The following CACNG4 variants were observed in gnomAD, a reference collection of about 807,000 sequenced individuals.
CACNG4 encodes the protein voltage-dependent calcium channel gamma-4 subunit.
In CACNG4, 8 loss-of-function variants were observed where a neutral mutation model predicts 22.9. The observed-to-expected ratio is 0.35, with a 90% CI of 0.21 to 0.63. The LOEUF is 0.63. Among genes scored for constraint, CACNG4 ranks in the 30% least tolerant of loss-of-function variants. CACNG4 has a pLI of 0.72. For missense variants in CACNG4, 357 were observed against 455.4 expected, an observed-to-expected ratio of 0.78 and a Z score of 1.97; for synonymous variants, 188 against 191.9, an observed-to-expected ratio of 0.98 and a Z score of 0.17.
chr17:66,985,117 A>G (rs1030481663), intron 1 of CACNG4, among the ~76,000 whole-genome samples: 7 of 152,010 alleles, frequency 4.6e-5, no homozygotes, highest in Non-Finnish European at 7.4e-5. Flanking sequence ...ACTGCCTGGT[A>G]CCCTGCTCTG....
At chr17:66,974,537 G>T (rs1445777555) in intron 1 of CACNG4, among the ~76,000 whole-genome samples, 1 of 152,146 alleles carries the variant, frequency 6.6e-6, no homozygotes, top group Non-Finnish European at 1.5e-5. Flanking sequence ...TCTGGAAAGT[G>T]GGATAATGAG....
At chr17:67,003,009 G>T (rs142775637) in intron 1 of CACNG4, among the ~76,000 whole-genome samples, 26 of 152,184 alleles carry the variant, frequency 1.7e-4, no homozygotes, top group Non-Finnish European at 3.5e-4. Context: ...ACAGTATTAT[G>T]GGTATATGTG....
intron 1 of CACNG4, among the ~76,000 whole-genome samples, chr17:67,016,645 G>A (rs2035499966): frequency 6.6e-6 from 1 of 152,196 alleles, no homozygotes; most frequent in Non-Finnish European, 1.5e-5. Flanking sequence ...ATTGGCCCCA[G>A]GTGGAAACTG....
Position 66,982,399 on chromosome 17 carries a change from GTT to G in CACNG4, c.220+17272_220+17273del, listed in dbSNP as rs59297584. Among the ~76,000 whole-genome samples, 1,009 of 152,154 alleles carry G rather than the reference GTT, an allele frequency of 6.6e-3. 7 individuals carry two copies. The highest frequency in any genetic ancestry group is 0.023 in the African/African-American group (956 of 41,452). ...CTAGCCACAGAGTGCTGATTGGTGT[GTT>G]TTTACAGAGTACCAATTGGCGCATT... is the stretch of plus-strand genomic sequence containing the variant. On this transcript the variant is annotated intron_variant, in intron 1 of 3. Coordinates refer to ENST00000262138, the MANE Select transcript of CACNG4 (RefSeq NM_014405.4).
intron 1 of CACNG4, among the ~76,000 whole-genome samples, chr17:66,999,773 A>C (rs2035397105): frequency 1.3e-5 from 2 of 152,210 alleles, no homozygotes; most frequent in African/African-American, 4.8e-5. Flanking sequence ...ACAATCCGAG[A>C]TGAGATTTGG....
chr17:66,993,350 C>G (rs1318212010), intron 1 of CACNG4, among the ~76,000 whole-genome samples: 2 of 152,254 alleles, frequency 1.3e-5, no homozygotes, highest in Non-Finnish European at 2.9e-5. Flanking sequence ...TGTGTCATCA[C>G]TGGTGCTGGA....
intron 1 of CACNG4, among the ~76,000 whole-genome samples, chr17:66,983,505 C>G (rs905618949): frequency 6.6e-6 from 1 of 152,154 alleles, no homozygotes; most frequent in African/African-American, 2.4e-5. Context: ...TTGCCAGATG[C>G]TGGCTGTGGG....
intron 1 of CACNG4, among the ~76,000 whole-genome samples, chr17:66,999,075 A>G (rs1321293198): frequency 6.6e-6 from 1 of 152,194 alleles, no homozygotes; most frequent in Non-Finnish European, 1.5e-5. Context: ...CCAGCCCTGC[A>G]CTAGATGGGC....
At chr17:66,983,413 G>A (rs1036980156) in intron 1 of CACNG4, among the ~76,000 whole-genome samples, 2 of 152,194 alleles carry the variant, frequency 1.3e-5, no homozygotes, top group Non-Finnish European at 2.9e-5. Flanking sequence ...GGAATCTGGG[G>A]CCACAGTGAA....
chr17:66,993,432 G>A (rs1420587505), intron 1 of CACNG4, among the ~76,000 whole-genome samples: 2 of 152,152 alleles, frequency 1.3e-5, no homozygotes, highest in African/African-American at 4.8e-5. Context: ...TCTTCCCAGA[G>A]GAGAGTTCAT....
rs9895120 is a variant in CACNG4 at position 67,006,690 on chromosome 17, C to T, written c.221-11499C>T. ...GCTCTCTTGTTCTAGTTACTGTGTT[C>T]GCTCACCTCCCCAGCTAGGTCATAA... On this transcript the variant is annotated intron_variant, in intron 1 of 3. Transcript: ENST00000262138. 8.5e-3 allele frequency among the ~76,000 whole-genome samples: 1,291 copies of T among 152,212 alleles called. 15 individuals are homozygous for T. The highest frequency in any genetic ancestry group is 0.029 in the African/African-American group (1,223 of 41,510).
intron 1 of CACNG4, among the ~76,000 whole-genome samples, chr17:67,002,614 CTCTT>C (rs1263054215): frequency 1.1e-4 from 15 of 138,780 alleles, no homozygotes; most frequent in Admixed American, 9.6e-4. Context: ...TCTCATCTCT[CTCTT>C]TCTCTCTCTC....
chr17:67,022,112 G>T (rs1284138274), intron 2 of CACNG4, among the ~76,000 whole-genome samples: 1 of 147,376 alleles, frequency 6.8e-6, no homozygotes, highest in Non-Finnish European at 1.5e-5. Flanking sequence ...GTCTCGCTCT[G>T]CTGCCTAGGC....
chr17:67,023,671 G>A (rs375414657), intron 2 of CACNG4, among the ~76,000 whole-genome samples: 16 of 150,808 alleles, frequency 1.1e-4, no homozygotes, highest in African/African-American at 3.2e-4. Flanking sequence ...TCTGGGGTTC[G>A]AGAGATTCTC....
At position 67,022,106 on chromosome 17, in the gene CACNG4, C is replaced by T. The variant is rs187841356; in HGVS notation, c.305-2754C>T. On this transcript the variant is annotated intron_variant, in intron 2 of 3. Transcript: ENST00000262138. ...TTTTTTTTTTTTTAAGACGGAGTCT[C>T]GCTCTGCTGCCTAGGCTGGAGTGCA... is the stretch of plus-strand genomic sequence containing the variant. Among the ~76,000 whole-genome samples, 788 of 148,542 alleles carry T rather than the reference C, an allele frequency of 5.3e-3. 3 individuals are homozygous for T. The highest frequency in any genetic ancestry group is 9.5e-3 in the Non-Finnish European group (640 of 67,620).
intron 1 of CACNG4, among the ~76,000 whole-genome samples, chr17:66,967,201 C>A (rs1041703276): frequency 5.9e-5 from 9 of 152,346 alleles, no homozygotes; most frequent in Middle Eastern, 3.4e-3. Context: ...ATTTGCACTT[C>A]GGTGTTCATC....
chr17:66,965,160 CCACACACACACACACA>C, intron 1 of CACNG4, 29 bp downstream of exon 1: 1 of 844,366 alleles, frequency 1.2e-6, no homozygotes, highest in Non-Finnish European at 1.8e-6. Context: ...CCTCGCCGCC[CCACACACACACACACA>C]CACACACACA....
chr17:66,978,165 G>A (rs2035249380), intron 1 of CACNG4, among the ~76,000 whole-genome samples: 1 of 152,176 alleles, frequency 6.6e-6, no homozygotes, highest in South Asian at 2.1e-4. Context: ...TCCAGGATCT[G>A]CCTCCTACTA....
At chr17:67,004,242 T>A (rs1567755691) in intron 1 of CACNG4, among the ~76,000 whole-genome samples, 1 of 152,308 alleles carries the variant, frequency 6.6e-6, no homozygotes, top group South Asian at 2.1e-4. Context: ...AATAACTGAA[T>A]ACCCATTCCC....
Sources: allele counts gnomAD v4.1 joint callset (sites outside exome capture counted in the v4.1 genomes callset), GRCh38; gene constraint gnomAD v4.1.1; transcripts MANE v1.5; gene names NCBI Gene and HGNC (gene_info 2026-07-23, HGNC 2026-07-21).